LRRTM4: variants seen among roughly 807,000 people sequenced by gnomAD.
LRRTM4 encodes leucine-rich repeat transmembrane neuronal protein 4.
A neutral mutation model predicts 47.6 loss-of-function variants in LRRTM4; 25 were observed. That is an observed-to-expected ratio of 0.53 (90% CI 0.38 to 0.73). The LOEUF (loss-of-function observed/expected upper bound fraction) is 0.73, where lower values mean the gene tolerates loss of function less well. LRRTM4 is among the 30% of genes least tolerant of loss of function. LRRTM4 has a pLI of 0.00. For missense variants in LRRTM4, 638 were observed against 713.4 expected, an observed-to-expected ratio of 0.89 and a Z score of 1.20; for synonymous variants, 311 against 269.5, an observed-to-expected ratio of 1.15 and a Z score of -1.51.
intron 3 of LRRTM4, among the ~76,000 whole-genome samples, chr2:77,173,516 G>A (rs532652077): frequency 6.6e-6 from 1 of 152,084 alleles, no homozygotes; most frequent in African/African-American, 2.4e-5. Flanking sequence ...TGGGAGTCAC[G>A]GGTGGTTGAC....
intron 3 of LRRTM4, among the ~76,000 whole-genome samples, chr2:77,183,183 C>T (rs921443177): frequency 6.6e-6 from 1 of 152,102 alleles, no homozygotes; most frequent in Non-Finnish European, 1.5e-5. Context: ...GCAATCTACT[C>T]ATCTGACAAA....
At chr2:76,940,142 T>A (rs1675086633) in intron 3 of LRRTM4, among the ~76,000 whole-genome samples, 1 of 152,166 alleles carries the variant, frequency 6.6e-6, no homozygotes, top group South Asian at 2.1e-4. Context: ...CTACTGGGTA[T>A]ATACCTAAAG....
chr2:77,204,289 G>A lies in LRRTM4; in HGVS notation c.1551+314029C>T, dbSNP rs548581702. Among the ~76,000 whole-genome samples, 12 of 152,164 alleles carry A rather than the reference G, an allele frequency of 7.9e-5. No individual in the cohort carries two copies. In the South Asian group the frequency reaches 2.5e-3, roughly 32 times the overall value. ...AAGCTTAGTGCTTACTGCTAAGGTT[G>A]TTATGAAAATTTCTTGACTAAATCA... On this transcript the variant is annotated intron_variant, in intron 3 of 3. Transcript: ENST00000409884.
intron 3 of LRRTM4, among the ~76,000 whole-genome samples, chr2:77,473,876 A>G (rs936996522): frequency 6.1e-4 from 93 of 152,144 alleles, no homozygotes; most frequent in African/African-American, 2.2e-3. Context: ...GCTCTGCAAC[A>G]GTCAAGCCAA....
chr2:76,931,468 T>C (rs1674767021), intron 3 of LRRTM4, among the ~76,000 whole-genome samples: 1 of 152,166 alleles, frequency 6.6e-6, no homozygotes, highest in South Asian at 2.1e-4. Flanking sequence ...AATGTCTTCC[T>C]TTAATCCTGA....
At chr2:76,906,098 A>C (rs1263547898) in intron 3 of LRRTM4, among the ~76,000 whole-genome samples, 5 of 152,194 alleles carry the variant, frequency 3.3e-5, no homozygotes, top group Non-Finnish European at 7.3e-5. Flanking sequence ...GCCAGAGAGA[A>C]AGGTCGGGTT....
At chr2:77,257,244 G>T (rs79770097) in intron 3 of LRRTM4, among the ~76,000 whole-genome samples, 1 of 151,854 alleles carries the variant, frequency 6.6e-6, no homozygotes, top group Non-Finnish European at 1.5e-5. Context: ...ATAAGGCAAG[G>T]CTATCCACTC....
chr2:77,372,156 A>T (rs1672677275), intron 3 of LRRTM4, among the ~76,000 whole-genome samples: 1 of 151,738 alleles, frequency 6.6e-6, no homozygotes, highest in African/African-American at 2.4e-5. Flanking sequence ...GTGCAGGAGG[A>T]AGACATTAGT....
At chr2:77,210,618 C>T (rs904430979) in intron 3 of LRRTM4, among the ~76,000 whole-genome samples, 2 of 152,066 alleles carry the variant, frequency 1.3e-5, no homozygotes, top group Non-Finnish European at 2.9e-5. Context: ...GTGGGCCAAA[C>T]AGCTGATTCG....
chr2:77,475,072 T>C (rs1467876900), intron 3 of LRRTM4, among the ~76,000 whole-genome samples: 1 of 151,950 alleles, frequency 6.6e-6, no homozygotes, highest in Non-Finnish European at 1.5e-5. Context: ...CAAACAGATA[T>C]CAAGAAAAAT....
At chr2:77,358,059 C>T (rs1672036117) in intron 3 of LRRTM4, among the ~76,000 whole-genome samples, 1 of 152,124 alleles carries the variant, frequency 6.6e-6, no homozygotes, top group East Asian at 1.9e-4. Flanking sequence ...TTTAACCTTT[C>T]TCCTAAAGCA....
At chr2:76,890,176 T>G (rs1034323937) in intron 3 of LRRTM4, among the ~76,000 whole-genome samples, 1 of 152,002 alleles carries the variant, frequency 6.6e-6, no homozygotes, top group African/African-American at 2.4e-5. Flanking sequence ...AATTTTATGC[T>G]GAGAATGCAA....
At chr2:76,960,235 T>A (rs1303851005) in intron 3 of LRRTM4, among the ~76,000 whole-genome samples, 1 of 151,654 alleles carries the variant, frequency 6.6e-6, no homozygotes, top group Non-Finnish European at 1.5e-5. Flanking sequence ...GGAAAAAATG[T>A]TTCAAGTGTA....
intron 3 of LRRTM4, among the ~76,000 whole-genome samples, chr2:77,390,092 C>G (rs1436957684): frequency 6.6e-6 from 1 of 152,082 alleles, no homozygotes; most frequent in East Asian, 1.9e-4. Flanking sequence ...TCAAATTCAG[C>G]ATAAGATAAT....
At chr2:77,370,101 G>A (rs546238292) in intron 3 of LRRTM4, among the ~76,000 whole-genome samples, 183 of 151,580 alleles carry the variant, frequency 1.2e-3, no homozygotes, top group Non-Finnish European at 1.9e-3. Flanking sequence ...AGTCTGACTC[G>A]GGGAAAACCC....
chr2:77,165,290 A>G (rs1409698701), intron 3 of LRRTM4, among the ~76,000 whole-genome samples: 1 of 152,118 alleles, frequency 6.6e-6, no homozygotes. Flanking sequence ...GAATAGACCA[A>G]TAACCGGCTC....
chr2:77,190,245 A>G (rs1270442011), intron 3 of LRRTM4, among the ~76,000 whole-genome samples: 1 of 151,042 alleles, frequency 6.6e-6, no homozygotes, highest in African/African-American at 2.4e-5. Context: ...GGGGCCCATA[A>G]CTAATATTTT....
intron 1 of LRRTM4, 121 bp from the exon 2 acceptor site, chr2:77,521,939 G>GT: frequency 1.8e-6 from 1 of 553,914 alleles, no homozygotes; most frequent in Non-Finnish European, 3.2e-6. Context: ...AAAGGAAGCC[G>GT]TTGGGGGGAT....
At chr2:77,521,622 A>C (rs1253094579) in intron 2 of LRRTM4, 46 bp downstream of exon 2, 2 of 1,611,174 alleles carry the variant, frequency 1.2e-6, no homozygotes, top group Non-Finnish European at 1.7e-6. Context: ...ATAGGAAGCC[A>C]AGAGGATCAG....
Sources: allele counts gnomAD v4.1 joint callset (sites outside exome capture counted in the v4.1 genomes callset), GRCh38; gene constraint gnomAD v4.1.1; transcripts MANE v1.5; gene names NCBI Gene and HGNC (gene_info 2026-07-23, HGNC 2026-07-21).